The following TPD52 variants were observed in gnomAD, a reference collection of about 807,000 sequenced individuals.
TPD52 encodes the protein tumor protein D52, also known as prostate and colon associated protein.
Under a neutral mutation model 31.3 loss-of-function variants are expected in TPD52, and 17 were observed. The observed-to-expected ratio is 0.54, with a 90% confidence interval of 0.37 to 0.82. The LOEUF (loss-of-function observed/expected upper bound fraction) is 0.82. Among genes scored for constraint, TPD52 ranks in the 40% least tolerant of loss-of-function variants. TPD52 has a pLI of 0.00. For synonymous variants in TPD52, 83 were observed against 89.6 expected, an observed-to-expected ratio of 0.93 and a Z score of 0.42; for missense variants, 212 against 240.1, an observed-to-expected ratio of 0.88 and a Z score of 0.77.
chr8:80,171,531 C>A lies in TPD52; in HGVS notation c.-88G>T, dbSNP rs1008059380. 45 of 1,417,388 alleles carry A rather than the reference C, an allele frequency of 3.2e-5. No homozygotes were observed. Among genetic ancestry groups the A allele is most frequent in the Non-Finnish European group, 4.0e-5 (44 of 1,093,470 alleles). The allele number at this position is 1,417,388 out of a possible 1,614,324, so 87.8% of individuals were successfully genotyped here. A position where few individuals can be genotyped will look rare whatever the true frequency, so the allele number is the denominator to read the frequency against. ...ATCGCCCGCCGCGCCGCGCAGAGCT[C>A]CTCCTCGCCTCCGCCGGCGACTCCC... On this transcript the variant is annotated 5_prime_UTR_variant, in exon 1 of 8. Transcript: ENST00000518937.
intron 1 of TPD52, among the ~76,000 whole-genome samples, chr8:80,144,771 T>C (rs4740120): frequency 0.51 from 77,443 of 151,850 alleles, 20,258 homozygotes; most frequent in East Asian, 0.79. Flanking sequence ...GACATGGCTT[T>C]TTGTGTGCAT....
At chr8:80,129,054 G>C (rs983727170) in intron 1 of TPD52, among the ~76,000 whole-genome samples, 1 of 151,946 alleles carries the variant, frequency 6.6e-6, no homozygotes, top group African/African-American at 2.4e-5. Flanking sequence ...GATTGACATA[G>C]TCATTCACTT....
At chr8:80,096,169 T>C (rs917946575) in intron 1 of TPD52, among the ~76,000 whole-genome samples, 4 of 152,018 alleles carry the variant, frequency 2.6e-5, no homozygotes, top group African/African-American at 7.3e-5. Context: ...AGTGGGAGGA[T>C]TGTTTAAGCC....
chr8:80,089,560 T>G (rs74554410), intron 1 of TPD52, among the ~76,000 whole-genome samples: 170 of 152,032 alleles, frequency 1.1e-3, no homozygotes, highest in African/African-American at 3.9e-3. Flanking sequence ...AAAAAAAAAT[T>G]TGAAGAGAAG....
At chr8:80,080,324 G>A in intron 1 of TPD52, 1 of 1,614,086 alleles carries the variant, frequency 6.2e-7, no homozygotes, top group South Asian at 1.1e-5. Context: ...CCAAATTTCT[G>A]AAGAGTAGGT....
At chr8:80,121,574 C>A (rs1419138351) in intron 1 of TPD52, among the ~76,000 whole-genome samples, 2 of 152,190 alleles carry the variant, frequency 1.3e-5, no homozygotes, top group African/African-American at 4.8e-5. Flanking sequence ...CCAAACTAAT[C>A]CCCTGAAACC....
intron 1 of TPD52, among the ~76,000 whole-genome samples, chr8:80,109,386 T>C (rs1807351273): frequency 6.6e-6 from 1 of 152,166 alleles, no homozygotes; most frequent in Non-Finnish European, 1.5e-5. Flanking sequence ...TATTATGCAA[T>C]CAAATTAGTC....
chr8:80,171,276 G>T, intron 1 of TPD52, 149 bp downstream of exon 1: 1 of 1,026,990 alleles, frequency 9.7e-7, no homozygotes, highest in Non-Finnish European at 1.5e-6. Context: ...GCCAGATCCG[G>T]ATCCGGGAGA....
At chr8:80,134,941 A>G (rs1045494449) in intron 1 of TPD52, among the ~76,000 whole-genome samples, 15 of 152,242 alleles carry the variant, frequency 9.9e-5, no homozygotes, top group Admixed American at 7.9e-4. Context: ...ACTAATGCCA[A>G]TCCAAACCCT....
chr8:80,156,143 T>A (rs1810958516), intron 1 of TPD52, among the ~76,000 whole-genome samples: 1 of 152,138 alleles, frequency 6.6e-6, no homozygotes, highest in Non-Finnish European at 1.5e-5. Flanking sequence ...ACTTGAAGAC[T>A]GAGGCTAGGG....
intron 1 of TPD52, among the ~76,000 whole-genome samples, chr8:80,156,045 C>T (rs940280287): frequency 1.3e-5 from 2 of 152,274 alleles, no homozygotes; most frequent in East Asian, 1.9e-4. Context: ...TTTTAAACAA[C>T]AGCATTTATT....
intron 1 of TPD52, among the ~76,000 whole-genome samples, chr8:80,118,018 C>T (rs1807994019): frequency 6.6e-6 from 1 of 152,120 alleles, no homozygotes; most frequent in South Asian, 2.1e-4. Context: ...AGGTGTGAGC[C>T]ACCGCACCCA....
At chr8:80,107,738 G>C (rs1215899639) in intron 1 of TPD52, among the ~76,000 whole-genome samples, 2 of 151,306 alleles carry the variant, frequency 1.3e-5, no homozygotes, top group African/African-American at 4.9e-5. Context: ...TGCAGAAACT[G>C]ACCCAAATGT....
chr8:80,050,850 A>G (rs1320625847), intron 4 of TPD52, among the ~76,000 whole-genome samples: 1 of 152,152 alleles, frequency 6.6e-6, no homozygotes, highest in East Asian at 1.9e-4. Context: ...TTTTAAACAC[A>G]AATCTTGCAT....
At chr8:80,044,310 C>T (rs10957954) in intron 5 of TPD52, 102 bp from the exon 6 acceptor site, 58,768 of 876,354 alleles carry the variant, frequency 0.067, 10,140 homozygotes, top group African/African-American at 0.58. Context: ...GCTTTATTCT[C>T]TTGGCGCCAT....
chr8:80,038,185 C>T lies in TPD52; in HGVS notation c.555G>A (p.Leu185=), dbSNP rs755886134. The T allele has an allele frequency of 3.1e-6, 5 of 1,613,946 alleles. No individual in the cohort carries two copies. The highest frequency in any genetic ancestry group is 3.4e-6 in the Non-Finnish European group (4 of 1,179,998). The part of the protein sequence containing the change: ...KPAGGDFGEV[L]NSAANASATT... ...TGGCACTAGCATTTGCAGCCGAATT[C>T]AAGACTTCTCCAAAATCACCACCAG... Residue 185 remains leucine, a synonymous_variant, in exon 8 of 8, where the codon TTG becomes TTA. Coordinates refer to ENST00000518937, the MANE Select transcript of TPD52 (RefSeq NM_001025253.3).
intron 2 of TPD52, among the ~76,000 whole-genome samples, chr8:80,056,113 A>G (rs141454941): frequency 1.3e-5 from 2 of 152,326 alleles, no homozygotes; most frequent in East Asian, 3.9e-4. Context: ...CACTATTTAC[A>G]ATACCCAAGT....
At chr8:80,149,099 C>T (rs1810397826) in intron 1 of TPD52, among the ~76,000 whole-genome samples, 3 of 152,146 alleles carry the variant, frequency 2.0e-5, no homozygotes, top group Non-Finnish European at 4.4e-5. Context: ...TTTGCCACTA[C>T]ATAGGTGATA....
At chr8:80,041,567 T>C (rs539744008) in intron 7 of TPD52, among the ~76,000 whole-genome samples, 19 of 152,282 alleles carry the variant, frequency 1.2e-4, no homozygotes, top group Admixed American at 1.2e-3. Context: ...TAGACAACTT[T>C]TGAGGTTGCC....
Sources: gnomAD v4.1 joint callset for allele counts (sites outside exome capture counted in the v4.1 genomes callset) on GRCh38, gnomAD v4.1.1 for gene constraint, MANE v1.5 for transcripts, NCBI Gene and HGNC (gene_info 2026-07-23, HGNC 2026-07-21) for gene names.